The following ATP10A variants were observed in gnomAD, a reference collection of about 807,000 sequenced individuals.
ATP10A encodes phospholipid-transporting ATPase VA.
ATP10A carries 111 observed loss-of-function variants against 147.8 expected under a neutral mutation model. The ratio of observed to expected loss-of-function variants is 0.75; its 90% CI spans 0.64 to 0.88. The LOEUF (loss-of-function observed/expected upper bound fraction) is 0.88, where lower values mean the gene tolerates loss of function less well. Ranked by LOEUF, ATP10A falls within the 40% of genes least tolerant of loss-of-function variation. The pLI, the probability that ATP10A is intolerant of heterozygous loss-of-function variation, is 0.00. For synonymous variants in ATP10A, 875 were observed against 841.6 expected, an observed-to-expected ratio of 1.04 and a Z score of -0.69; for missense variants, 1,927 against 1,959.0, an observed-to-expected ratio of 0.98 and a Z score of 0.31.
intron 9 of ATP10A, among the ~76,000 whole-genome samples, chr15:25,714,519 C>T (rs534358991): frequency 6.6e-6 from 1 of 152,064 alleles, no homozygotes; most frequent in Non-Finnish European, 1.5e-5. Flanking sequence ...AGAGACAGTA[C>T]TCCTTCCTTG....
At chr15:25,705,465 A>C (rs1369907472) in intron 12 of ATP10A, among the ~76,000 whole-genome samples, 2 of 2,944 alleles carry the variant, frequency 6.8e-4, no homozygotes, top group Admixed American at 8.6e-3. Flanking sequence ...AAAAAAAAAA[A>C]ACAAAAAAAA....
In ATP10A at chr15:25,679,701, C is replaced by T; in HGVS notation, c.4140G>A (p.Arg1380=). 1 of 1,613,292 alleles carries T rather than the reference C, an allele frequency of 6.2e-7. No individual in the cohort carries two copies. The highest frequency in any genetic ancestry group is 8.5e-7 in the Non-Finnish European group (1 of 1,180,000). ...PSTVDMSMPV[R]EHTLLEGLSA... Reference sequence around the variant, plus strand: ...TCAGCCCCTCCAGCAGGGTGTGCTCCCTCACTGGCATGCTCATGTCCACTG... The same window carrying T: ...TCAGCCCCTCCAGCAGGGTGTGCTCTCTCACTGGCATGCTCATGTCCACTG... The change falls in exon 21 of 21, where the codon AGG becomes AGA. Residue 1380 remains arginine, a synonymous_variant. Coordinates refer to ENST00000555815, the MANE Select transcript of ATP10A (RefSeq NM_024490.4).
At chr15:25,719,663 G>A (rs1352384045) in intron 7 of ATP10A, among the ~76,000 whole-genome samples, 2 of 151,954 alleles carry the variant, frequency 1.3e-5, no homozygotes, top group Non-Finnish European at 2.9e-5. Context: ...CGGCTGGTAT[G>A]TTGGTGTTCT....
chr15:25,849,161 G>A (rs1893166940), intron 1 of ATP10A, among the ~76,000 whole-genome samples: 1 of 152,050 alleles, frequency 6.6e-6, no homozygotes, highest in East Asian at 2.0e-4. Context: ...ACAAAGGGCT[G>A]TCCCTAGCTG....
At chr15:25,852,295 C>T (rs1159404239) in intron 1 of ATP10A, among the ~76,000 whole-genome samples, 1 of 152,082 alleles carries the variant, frequency 6.6e-6, no homozygotes, top group Non-Finnish European at 1.5e-5. Flanking sequence ...ATCCTCCCTC[C>T]AAAGTAATGT....
intron 1 of ATP10A, among the ~76,000 whole-genome samples, chr15:25,829,160 G>T (rs752094846): frequency 6.6e-6 from 1 of 152,128 alleles, no homozygotes; most frequent in African/African-American, 2.4e-5. Flanking sequence ...AAATAATGTG[G>T]TGAAAAGTGC....
intron 1 of ATP10A, among the ~76,000 whole-genome samples, chr15:25,836,013 C>T (rs1413213014): frequency 2.0e-5 from 3 of 152,210 alleles, no homozygotes; most frequent in Non-Finnish European, 4.4e-5. Flanking sequence ...TGGGGTTTCA[C>T]CGTGTTAGCC....
intron 3 of ATP10A, among the ~76,000 whole-genome samples, chr15:25,731,950 A>G (rs1886961605): frequency 6.6e-6 from 1 of 151,896 alleles, no homozygotes; most frequent in African/African-American, 2.4e-5. Flanking sequence ...GGACCTCCTG[A>G]GCTCAAGCCA....
intron 2 of ATP10A, among the ~76,000 whole-genome samples, chr15:25,760,816 G>A (rs564425160): frequency 1.3e-5 from 2 of 152,158 alleles, no homozygotes; most frequent in South Asian, 4.2e-4. Context: ...ACTGCACTCC[G>A]GCCTGGTGAC....
intron 1 of ATP10A, among the ~76,000 whole-genome samples, chr15:25,810,498 C>T (rs1891381696): frequency 6.6e-6 from 1 of 152,158 alleles, no homozygotes; most frequent in Admixed American, 6.5e-5. Flanking sequence ...TGTAGCAGTG[C>T]CACTGGGACT....
chr15:25,674,867 G>A (rs138243715), downstream of ATP10A, among the ~76,000 whole-genome samples: 2,335 of 152,310 alleles, frequency 0.015, 59 homozygotes, highest in African/African-American at 0.054. Flanking sequence ...GGGGCCTGGG[G>A]CCTCCCCAGT....
intron 1 of ATP10A, among the ~76,000 whole-genome samples, chr15:25,781,851 G>C (rs563369060): frequency 6.6e-6 from 1 of 152,246 alleles, no homozygotes; most frequent in South Asian, 2.1e-4. Context: ...ACGGCAAGAG[G>C]CTTCTTTCTA....
intron 2 of ATP10A, among the ~76,000 whole-genome samples, chr15:25,766,738 T>C (rs1236366475): frequency 3.3e-5 from 5 of 152,010 alleles, no homozygotes; most frequent in African/African-American, 1.2e-4. Flanking sequence ...GCTCAGTGTC[T>C]GTGCCGCCTG....
intron 1 of ATP10A, among the ~76,000 whole-genome samples, chr15:25,782,820 T>C (rs1158144359): frequency 6.6e-6 from 1 of 152,166 alleles, no homozygotes; most frequent in Non-Finnish European, 1.5e-5. Context: ...TAAATTTATC[T>C]GAACAAGGTA....
At chr15:25,859,360 C>T (rs1320437252) in intron 1 of ATP10A, among the ~76,000 whole-genome samples, 3 of 152,214 alleles carry the variant, frequency 2.0e-5, no homozygotes, top group Non-Finnish European at 4.4e-5. Context: ...CCTCGACTCT[C>T]ACCAGGGCTC....
intron 2 of ATP10A, among the ~76,000 whole-genome samples, chr15:25,770,574 G>A (rs1387192323): frequency 6.6e-6 from 1 of 152,232 alleles, no homozygotes; most frequent in African/African-American, 2.4e-5. Context: ...GGAGAAGGGA[G>A]TAGTGGGGGT....
chr15:25,832,938 A>G (rs1892424023), intron 1 of ATP10A, among the ~76,000 whole-genome samples: 1 of 151,480 alleles, frequency 6.6e-6, no homozygotes, highest in African/African-American at 2.4e-5. Context: ...ACAAATGTGT[A>G]TAATTGTTAT....
chr15:25,769,346 G>A (rs552366269), intron 2 of ATP10A, among the ~76,000 whole-genome samples: 457 of 151,962 alleles, frequency 3.0e-3, no homozygotes, highest in Non-Finnish European at 5.4e-3. Flanking sequence ...AATTAGCCGG[G>A]GGTGGTGGCG....
At chr15:25,795,387 G>A (rs1890627949) in intron 1 of ATP10A, among the ~76,000 whole-genome samples, 1 of 151,924 alleles carries the variant, frequency 6.6e-6, no homozygotes, top group Non-Finnish European at 1.5e-5. Flanking sequence ...GGCTTTCCCT[G>A]CCACCTGCTG....
Sources: gnomAD v4.1 joint callset for allele counts (sites outside exome capture counted in the v4.1 genomes callset) on GRCh38, gnomAD v4.1.1 for gene constraint, MANE v1.5 for transcripts, NCBI Gene and HGNC (gene_info 2026-07-23, HGNC 2026-07-21) for gene names.